Variants in NAALADL2 observed in about 807,000 individuals in gnomAD.
The protein encoded by NAALADL2 is inactive N-acetylated-alpha-linked acidic dipeptidase-like protein 2.
In NAALADL2, 76 loss-of-function variants were observed where a neutral mutation model predicts 87.2. The ratio of observed to expected loss-of-function variants is 0.87; its 90% CI spans 0.72 to 1.05. The LOEUF (loss-of-function observed/expected upper bound fraction) is 1.05. NAALADL2 is among the 50% of genes least tolerant of loss of function. NAALADL2 has a pLI of 0.00. For missense variants in NAALADL2, 1,089 were observed against 945.8 expected (o/e 1.15, Z -1.99); for synonymous variants, 354 against 331.0 (o/e 1.07, Z -0.75).
At chr3:175,444,770 A>G (rs925605481) in intron 5 of NAALADL2, among the ~76,000 whole-genome samples, 1 of 152,222 alleles carries the variant, frequency 6.6e-6, no homozygotes, top group Admixed American at 6.5e-5. Context: ...ACTGTTATCT[A>G]TATAAGGGAG....
At chr3:175,608,644 A>G (rs890235243) in intron 10 of NAALADL2, among the ~76,000 whole-genome samples, 1 of 152,064 alleles carries the variant, frequency 6.6e-6, no homozygotes, top group African/African-American at 2.4e-5. Flanking sequence ...TGTAGGAGTT[A>G]TGAAATTTGG....
intron 1 of NAALADL2, among the ~76,000 whole-genome samples, chr3:174,997,670 G>T (rs933902741): frequency 1.3e-5 from 2 of 152,006 alleles, no homozygotes; most frequent in Admixed American, 1.3e-4. Context: ...ACAAAAATTA[G>T]CTGGGTGTGG....
At chr3:175,080,106 C>T (rs1717483405) in intron 1 of NAALADL2, among the ~76,000 whole-genome samples, 1 of 152,096 alleles carries the variant, frequency 6.6e-6, no homozygotes, top group South Asian at 2.1e-4. Context: ...GCTGGGACTA[C>T]AGGCGCCCGC....
In NAALADL2 at chr3:174,557,404, G is replaced by A. The variant is rs1712970956; in HGVS notation, c.-115+6767G>A. Among the ~76,000 whole-genome samples the A allele has an allele frequency of 2.0e-5, 3 of 151,616 alleles. No individual in the cohort carries two copies. In the South Asian group the frequency reaches 6.3e-4, roughly 32 times the overall value. Reference sequence around the variant, plus strand: ...GTAAAAACTTTTTTAATATCTCAGGGGTCTGTTACACTTTTGATGTGTTTT... The same window carrying A: ...GTAAAAACTTTTTTAATATCTCAGGAGTCTGTTACACTTTTGATGTGTTTT... On this transcript the variant is annotated intron_variant, in intron 2 of 3. Transcript: ENST00000434257.
intron 3 of NAALADL2, 30 bp downstream of exon 3, chr3:175,234,234 C>G: frequency 6.3e-7 from 1 of 1,595,910 alleles, no homozygotes. Flanking sequence ...CTGTCATTTA[C>G]AGTGAGATGG....
intron 2 of NAALADL2, among the ~76,000 whole-genome samples, chr3:175,175,805 C>A (rs1379986125): frequency 6.6e-6 from 1 of 152,060 alleles, no homozygotes; most frequent in Non-Finnish European, 1.5e-5. Context: ...CAGGAATTAT[C>A]TTCTTAATAT....
rs1161504494 is a variant in NAALADL2, at chr3:175,451,539, T to C, written c.1234+4167T>C. Reference sequence around the variant, plus strand: ...GGAAAGCTTAATTTTCACATATCAATCTGAGCTTGTGGTTAAAATTCATGA... The same window carrying C: ...GGAAAGCTTAATTTTCACATATCAACCTGAGCTTGTGGTTAAAATTCATGA... On this transcript the variant is annotated intron_variant, in intron 6 of 13. Coordinates refer to ENST00000454872, the MANE Select transcript of NAALADL2 (RefSeq NM_207015.3). Among the ~76,000 whole-genome samples the C allele has an allele frequency of 2.0e-5, 3 of 152,112 alleles. No homozygotes were observed. In the East Asian group the frequency reaches 5.8e-4, roughly 29 times the overall value.
At chr3:174,819,979 G>A (rs918453447) in intron 3 of NAALADL2, among the ~76,000 whole-genome samples, 1 of 152,104 alleles carries the variant, frequency 6.6e-6, no homozygotes, top group African/African-American at 2.4e-5. Flanking sequence ...CATATTAGTT[G>A]GTTTTGGAGA....
intron 1 of NAALADL2, among the ~76,000 whole-genome samples, chr3:175,007,355 G>T (rs28450792): frequency 0.16 from 23,574 of 152,028 alleles, 2,608 homozygotes; most frequent in African/African-American, 0.31. Context: ...GGCTATAGGA[G>T]AATATGTGAG....
chr3:175,620,291 TG>T (rs1726031768), intron 10 of NAALADL2, among the ~76,000 whole-genome samples: 1 of 152,172 alleles, frequency 6.6e-6, no homozygotes, highest in Non-Finnish European at 1.5e-5. Flanking sequence ...TCTTGCTCGC[TG>T]GGATTCCGCC....
intron 3 of NAALADL2, among the ~76,000 whole-genome samples, chr3:174,769,212 C>T (rs1714226435): frequency 6.6e-6 from 1 of 151,826 alleles, no homozygotes; most frequent in Non-Finnish European, 1.5e-5. Flanking sequence ...ATTTGTTATT[C>T]AATATTCAAA....
At chr3:175,298,536 GT>G (rs1169096056) in intron 4 of NAALADL2, among the ~76,000 whole-genome samples, 3 of 152,004 alleles carry the variant, frequency 2.0e-5, no homozygotes, top group African/African-American at 7.2e-5. Context: ...TATTTCTTGG[GT>G]TAATATTATC....
intron 2 of NAALADL2, among the ~76,000 whole-genome samples, chr3:175,225,565 G>T (rs935440637): frequency 2.0e-5 from 3 of 152,012 alleles, no homozygotes; most frequent in Non-Finnish European, 4.4e-5. Flanking sequence ...TGCTTATTTT[G>T]AAGTGTGGTA....
Position 174,731,737 on chromosome 3 carries a change from C to A in NAALADL2, c.-114-5904C>A, listed in dbSNP as rs577595629. ...AAGATTTAGAATTTCTAACAAATTTCAGTGTGATGCTTGTACTGCTAGTGC... is the reference window on the plus strand; with the variant it reads ...AAGATTTAGAATTTCTAACAAATTTAAGTGTGATGCTTGTACTGCTAGTGC... On this transcript the variant is annotated intron_variant, in intron 2 of 3. Transcript: ENST00000434257. Among the ~76,000 whole-genome samples the A allele has an allele frequency of 2.6e-4, 39 of 152,274 alleles. No individual in the cohort carries two copies. In the South Asian group the frequency reaches 5.4e-3, roughly 21 times the overall value.
chr3:174,815,509 G>A (rs559824726), intron 3 of NAALADL2, among the ~76,000 whole-genome samples: 25 of 152,270 alleles, frequency 1.6e-4, no homozygotes, highest in African/African-American at 5.3e-4. Context: ...ACTCACTGAA[G>A]CCTCGAACTG....
At chr3:174,975,816 C>A (rs1744286190) in intron 1 of NAALADL2, among the ~76,000 whole-genome samples, 1 of 152,136 alleles carries the variant, frequency 6.6e-6, no homozygotes, top group Non-Finnish European at 1.5e-5. Flanking sequence ...ACATTGAAGA[C>A]CTCAGTCCTA....
intron 2 of NAALADL2, among the ~76,000 whole-genome samples, chr3:174,713,565 T>TGTGAG (rs1730893011): frequency 6.6e-6 from 1 of 152,078 alleles, no homozygotes; most frequent in African/African-American, 2.4e-5. Context: ...TGATGATGAG[T>TGTGAG]ACTTTTTCAT....
intron 2 of NAALADL2, among the ~76,000 whole-genome samples, chr3:175,130,069 T>C (rs762522536): frequency 6.6e-6 from 1 of 152,206 alleles, no homozygotes; most frequent in Non-Finnish European, 1.5e-5. Context: ...CGATGTTGTA[T>C]ACGTTTTCAT....
intron 2 of NAALADL2, among the ~76,000 whole-genome samples, chr3:174,686,991 A>G (rs978426209): frequency 1.3e-5 from 2 of 152,026 alleles, no homozygotes; most frequent in Non-Finnish European, 2.9e-5. Flanking sequence ...TAGTCATTAC[A>G]TCAGGTCATG....
Sources: allele counts gnomAD v4.1 joint callset (sites outside exome capture counted in the v4.1 genomes callset), GRCh38; gene constraint gnomAD v4.1.1; transcripts MANE v1.5; gene names NCBI Gene and HGNC (gene_info 2026-07-23, HGNC 2026-07-21).